MOB1B: variants seen among roughly 807,000 people sequenced by gnomAD.
MOB1B encodes the protein MOB1 Mps One Binder homolog B.
Under a neutral mutation model 24.4 loss-of-function variants are expected in MOB1B, and 19 were observed. The observed-to-expected ratio is 0.78, with a 90% CI of 0.54 to 1.14. MOB1B has a LOEUF of 1.14. Ranked by LOEUF, MOB1B falls within the 50% of genes most tolerant of loss-of-function variation. MOB1B has a pLI of 0.00. For missense variants in MOB1B, 243 were observed against 259.6 expected (o/e 0.94, Z 0.44); for synonymous variants, 76 against 82.1 (o/e 0.93, Z 0.40).
chr4:70,964,014 A>G (rs1325948653), intron 2 of MOB1B, among the ~76,000 whole-genome samples: 1 of 152,248 alleles, frequency 6.6e-6, no homozygotes, highest in African/African-American at 2.4e-5. Flanking sequence ...TAGACTTTTA[A>G]GGCAAAAAGC....
chr4:70,957,514 G>A (rs1008630858), intron 1 of MOB1B, among the ~76,000 whole-genome samples: 2 of 151,120 alleles, frequency 1.3e-5, no homozygotes, highest in Admixed American at 6.6e-5. Context: ...GCTCACTGCA[G>A]TCTTGAACTC....
chr4:70,958,903 C>A lies in MOB1B; in HGVS notation c.44C>A (p.Pro15Gln). 6.2e-7 allele frequency: 1 copy of A among 1,612,226 alleles called. No homozygotes were observed. The highest frequency in any genetic ancestry group is 8.5e-7 in the Non-Finnish European group (1 of 1,179,604). ...AGTCGCTCTTCTAAAACTTTTAAAC[C>A]AAAGAAGAACATTCCAGAGGGTTCT... ...FGSRSSKTFK[P>Q]KKNIPEGSHQ... Residue 15 changes from proline to glutamine, a missense_variant, in exon 2 of 6, where the codon CCA (proline) becomes CAA (glutamine). Coordinates refer to ENST00000309395, the MANE Select transcript of MOB1B (RefSeq NM_173468.4).
chr4:70,915,071 G>A (rs1384532539), intron 1 of MOB1B, among the ~76,000 whole-genome samples: 1 of 152,044 alleles, frequency 6.6e-6, no homozygotes, highest in African/African-American at 2.4e-5. Context: ...GTGATACTTC[G>A]GTTATTATCA....
At chr4:70,934,235 C>A (rs190932932) in intron 1 of MOB1B, among the ~76,000 whole-genome samples, 1 of 150,968 alleles carries the variant, frequency 6.6e-6, no homozygotes, top group Non-Finnish European at 1.5e-5. Flanking sequence ...CAGGCATGTA[C>A]CACATGTGCC....
chr4:70,943,744 A>G (rs1324230360), intron 1 of MOB1B, among the ~76,000 whole-genome samples: 1 of 152,196 alleles, frequency 6.6e-6, no homozygotes, highest in Non-Finnish European at 1.5e-5. Flanking sequence ...ATGGGTTTAT[A>G]TATTGGTAAA....
chr4:70,911,740 AT>A (rs1212979007), intron 1 of MOB1B, among the ~76,000 whole-genome samples: 1 of 152,120 alleles, frequency 6.6e-6, no homozygotes, highest in African/African-American at 2.4e-5. Flanking sequence ...TGTGTATTTG[AT>A]TAGGAGATAT....
chr4:70,902,074 G>A (rs1373966199), upstream of MOB1B, among the ~76,000 whole-genome samples: 2 of 152,206 alleles, frequency 1.3e-5, no homozygotes, highest in African/African-American at 2.4e-5. Flanking sequence ...GAGCCCAGCT[G>A]AGCGGCTCCG....
chr4:70,974,684 C>T (rs534532211), intron 3 of MOB1B, among the ~76,000 whole-genome samples: 1 of 152,276 alleles, frequency 6.6e-6, no homozygotes, highest in South Asian at 2.1e-4. Context: ...AAATCATTCT[C>T]ATCTTCATTA....
chr4:70,980,466 A>T (rs1394763822), intron 5 of MOB1B, among the ~76,000 whole-genome samples: 1 of 152,170 alleles, frequency 6.6e-6, no homozygotes, highest in Non-Finnish European at 1.5e-5. Flanking sequence ...ATTGATACAT[A>T]GCATTTACCA....
At chr4:70,908,135 CCTGCCT>C (rs1560625959) in intron 1 of MOB1B, among the ~76,000 whole-genome samples, 2 of 151,480 alleles carry the variant, frequency 1.3e-5, no homozygotes, top group African/African-American at 4.9e-5. Context: ...ACGCCATTCT[CCTGCCT>C]CAGCCTCTCG....
chr4:70,951,816 T>C (rs1469501088), intron 1 of MOB1B, among the ~76,000 whole-genome samples: 1 of 152,154 alleles, frequency 6.6e-6, no homozygotes, highest in Non-Finnish European at 1.5e-5. Flanking sequence ...ACTTGAGCCA[T>C]TGATCATGCC....
chr4:70,911,328 T>C (rs957493246), intron 1 of MOB1B, among the ~76,000 whole-genome samples: 6 of 151,810 alleles, frequency 4.0e-5, no homozygotes, highest in African/African-American at 1.4e-4. Context: ...GTAAGGTTAT[T>C]TTATTTTTTT....
chr4:70,935,707 G>C (rs938467503), intron 1 of MOB1B, among the ~76,000 whole-genome samples: 2 of 151,536 alleles, frequency 1.3e-5, no homozygotes, highest in Non-Finnish European at 2.9e-5. Flanking sequence ...ACCCAAGCTG[G>C]AGTGCAGTGG....
At chr4:70,953,604 A>G (rs1034462147) in intron 1 of MOB1B, among the ~76,000 whole-genome samples, 2 of 152,220 alleles carry the variant, frequency 1.3e-5, no homozygotes, top group African/African-American at 2.4e-5. Context: ...AAATAAAAAA[A>G]TTGGAAGCCT....
At chr4:70,910,994 G>A (rs2148867337) in intron 1 of MOB1B, among the ~76,000 whole-genome samples, 1 of 152,214 alleles carries the variant, frequency 6.6e-6, no homozygotes, top group East Asian at 1.9e-4. Flanking sequence ...CACCATATTG[G>A]CCAGGCTGTT....
chr4:70,940,293 G>A (rs1452008540), intron 1 of MOB1B, among the ~76,000 whole-genome samples: 2 of 152,122 alleles, frequency 1.3e-5, no homozygotes, highest in Non-Finnish European at 2.9e-5. Flanking sequence ...GCCCTCTCCA[G>A]AGACCCACCT....
chr4:70,902,764 C>T (rs1192397132), intron 1 of MOB1B, among the ~76,000 whole-genome samples: 7 of 152,222 alleles, frequency 4.6e-5, no homozygotes, highest in Non-Finnish European at 1.0e-4. Context: ...TCGTGGGCTC[C>T]TGCAGCCCTG....
Position 70,950,847 on chromosome 4 carries a change from G to A in MOB1B, c.15-8027G>A, listed in dbSNP as rs142180434. On this transcript the variant is annotated intron_variant, in intron 1 of 5. Transcript: ENST00000309395. ...AGAGGCGGAGCAGAGAGAACTAATAGTAGTGAAGTTCTTAACATAAGTTTC... is the reference window on the plus strand; with the variant it reads ...AGAGGCGGAGCAGAGAGAACTAATAATAGTGAAGTTCTTAACATAAGTTTC... 2.1e-4 allele frequency: 238 copies of A among 1,150,742 alleles called. 2 individuals carry two copies. In the Middle Eastern group the frequency reaches 6.5e-3, roughly 31 times the overall value. The allele number at this position is 1,150,742 out of a possible 1,614,324, so 71.3% of individuals were successfully genotyped here. A position where few individuals can be genotyped will look rare whatever the true frequency, so the allele number is the denominator to read the frequency against.
chr4:70,961,322 G>T (rs1193792907), intron 2 of MOB1B, among the ~76,000 whole-genome samples: 2 of 152,160 alleles, frequency 1.3e-5, no homozygotes, highest in Non-Finnish European at 2.9e-5. Flanking sequence ...TAATGAGCAG[G>T]TATACAGCTA....
Sources: allele counts gnomAD v4.1 joint callset (sites outside exome capture counted in the v4.1 genomes callset), GRCh38; gene constraint gnomAD v4.1.1; transcripts MANE v1.5; gene names NCBI Gene and HGNC (gene_info 2026-07-23, HGNC 2026-07-21).